The following FMN2 variants were observed in gnomAD, a reference collection of about 807,000 sequenced individuals.
FMN2 encodes formin-2.
Under a neutral mutation model 142.3 loss-of-function variants are expected in FMN2, and 51 were observed. The observed-to-expected ratio is 0.36, with a 90% CI of 0.29 to 0.45. The LOEUF (loss-of-function observed/expected upper bound fraction) is 0.45, where lower values mean the gene tolerates loss of function less well. FMN2 is among the 20% of genes least tolerant of loss of function. The probability of loss-of-function intolerance (pLI) is 1.00; values close to 1 mark genes in which losing one functional copy is unlikely to be tolerated. For missense variants in FMN2, 1,936 were observed against 2,122.8 expected, an observed-to-expected ratio of 0.91 and a Z score of 1.73; for synonymous variants, 882 against 869.8, an observed-to-expected ratio of 1.01 and a Z score of -0.25.
chr1:240,115,780 C>T (rs1429227106), intron 1 of FMN2, among the ~76,000 whole-genome samples: 1 of 152,180 alleles, frequency 6.6e-6, no homozygotes, highest in Non-Finnish European at 1.5e-5. Context: ...AAAGGGAAAG[C>T]AAGTTTATTA....
Position 240,268,622 on chromosome 1 carries a change from A to T in FMN2, c.4153+10590A>T, listed in dbSNP as rs546120936. 1.7e-4 allele frequency among the ~76,000 whole-genome samples: 26 copies of T among 152,096 alleles called. 1 individual carries two copies. In the South Asian group the frequency reaches 5.4e-3, roughly 32 times the overall value. On this transcript the variant is annotated intron_variant, in intron 7 of 17. Coordinates refer to ENST00000319653, the MANE Select transcript of FMN2 (RefSeq NM_020066.5). ...GGCCATGAGTAGAATCTAAGTAGAG[A>T]CATAGACAGATGCTTTTATTTCTTG...
At chr1:240,447,836 G>A (rs1052151470) in intron 16 of FMN2, among the ~76,000 whole-genome samples, 1 of 152,128 alleles carries the variant, frequency 6.6e-6, no homozygotes, top group Non-Finnish European at 1.5e-5. Context: ...AAAAGTTGAC[G>A]TTCACTTTCA....
chr1:240,256,541 C>T (rs1388364586), intron 6 of FMN2, among the ~76,000 whole-genome samples: 1 of 149,946 alleles, frequency 6.7e-6, no homozygotes, highest in Non-Finnish European at 1.5e-5. Context: ...GAGTTCGAGA[C>T]CTTCCTGGCC....
intron 16 of FMN2, 181 bp from the exon 17 acceptor site, chr1:240,472,191 G>C (rs2210861): frequency 0.97 from 519,155 of 537,648 alleles, 250,850 homozygotes; most frequent in East Asian, 1. Context: ...ATAAATTAGC[G>C]TCTGTAGCTG....
intron 14 of FMN2, among the ~76,000 whole-genome samples, chr1:240,388,755 G>A (rs1012719131): frequency 5.9e-5 from 9 of 151,670 alleles, no homozygotes; most frequent in East Asian, 3.9e-4. Flanking sequence ...CCAACTACTC[G>A]GGAGGCTGAG....
chr1:240,181,370 T>C (rs942225682), intron 3 of FMN2, among the ~76,000 whole-genome samples: 2 of 152,194 alleles, frequency 1.3e-5, no homozygotes, highest in Non-Finnish European at 2.9e-5. Context: ...TGTGGTACTC[T>C]GTCTTCTGCC....
chr1:240,206,757 C>G, intron 4 of FMN2, 42 bp from the exon 5 acceptor site: 1 of 1,555,032 alleles, frequency 6.4e-7, no homozygotes, highest in Non-Finnish European at 8.7e-7. Flanking sequence ...TGCATTTTTC[C>G]TTATTTCATA....
intron 2 of FMN2, chr1:240,143,718 A>G: frequency 6.4e-7 from 1 of 1,569,292 alleles, no homozygotes; most frequent in Non-Finnish European, 8.8e-7. Flanking sequence ...GAAGCCAACG[A>G]GCATAAGAGT....
At chr1:240,390,340 T>A (rs1329594618) in intron 14 of FMN2, among the ~76,000 whole-genome samples, 1 of 152,238 alleles carries the variant, frequency 6.6e-6, no homozygotes, top group African/African-American at 2.4e-5. Flanking sequence ...AAGCTTTGGT[T>A]TTATATTTTG....
intron 1 of FMN2, among the ~76,000 whole-genome samples, chr1:240,107,885 G>T (rs1012023198): frequency 2.0e-5 from 3 of 152,012 alleles, no homozygotes; most frequent in African/African-American, 7.2e-5. Flanking sequence ...TATAATTGAT[G>T]TGGAACACAT....
intron 15 of FMN2, among the ~76,000 whole-genome samples, chr1:240,413,267 T>C (rs542447532): frequency 1.3e-5 from 2 of 150,916 alleles, no homozygotes; most frequent in African/African-American, 2.4e-5. Context: ...CAGTGGGTGG[T>C]TTTTATGGAA....
chr1:240,455,981 T>G lies in FMN2; in HGVS notation c.5061-16391T>G, dbSNP rs1299804170. Among the ~76,000 whole-genome samples the G allele has an allele frequency of 6.6e-5, 8 of 120,612 alleles. 1 individual carries two copies. The highest frequency in any genetic ancestry group is 6.5e-4 in the Admixed American group (8 of 12,272). The allele number at this position is 120,612 out of a possible 152,430, so 79.1% of individuals were successfully genotyped here. On this transcript the variant is annotated intron_variant, in intron 16 of 17. Transcript: ENST00000319653. ...CGGAGCGAGACTGTCTCAAAAATAA[T>G]AATAATAATAATAATAATAATAAGT...
At chr1:240,143,624 A>C in intron 2 of FMN2, 1 of 1,610,092 alleles carries the variant, frequency 6.2e-7, no homozygotes, top group East Asian at 2.2e-5. Flanking sequence ...AAACTGCGGA[A>C]TGGCTCTGAT....
chr1:240,200,209 C>T (rs1171902229), intron 4 of FMN2, among the ~76,000 whole-genome samples: 1 of 152,114 alleles, frequency 6.6e-6, no homozygotes, highest in Non-Finnish European at 1.5e-5. Flanking sequence ...AGGGTGGGCC[C>T]CCCAGAGCTT....
chr1:240,224,426 A>C (rs1667230204), intron 6 of FMN2, among the ~76,000 whole-genome samples: 1 of 133,310 alleles, frequency 7.5e-6, no homozygotes, highest in Non-Finnish European at 1.6e-5. Flanking sequence ...TTTTAGAATA[A>C]GTGCGATGTG....
At position 240,114,744 on chromosome 1, in the gene FMN2, G is replaced by A. The variant is rs529766102; in HGVS notation, c.1616-8435G>A. ...GAGATTTCAGCTCACTGCAACCTCC[G>A]CTTCCCAAGTTCAGGTGATTCTCCT... On this transcript the variant is annotated intron_variant, in intron 1 of 17. Transcript: ENST00000319653. Among the ~76,000 whole-genome samples the A allele has an allele frequency of 4.8e-4, 71 of 146,532 alleles. 1 individual carries two copies. Among genetic ancestry groups the A allele is most frequent in the Non-Finnish European group, 6.2e-4 (42 of 67,394 alleles).
At chr1:240,310,900 AT>A (rs1392025684) in intron 8 of FMN2, among the ~76,000 whole-genome samples, 2 of 152,120 alleles carry the variant, frequency 1.3e-5, no homozygotes, top group African/African-American at 2.4e-5. Context: ...TCTGAAAATC[AT>A]TTTTTTCTTT....
At chr1:240,312,107 T>C (rs958178756) in intron 8 of FMN2, among the ~76,000 whole-genome samples, 1 of 152,222 alleles carries the variant, frequency 6.6e-6, no homozygotes, top group Non-Finnish European at 1.5e-5. Context: ...TTACTTTTTG[T>C]AGGCGGGTAG....
chr1:240,384,069 GT>G (rs1673323325), intron 14 of FMN2, among the ~76,000 whole-genome samples: 2 of 151,974 alleles, frequency 1.3e-5, no homozygotes, highest in African/African-American at 4.8e-5. Flanking sequence ...AATGCTACAT[GT>G]TCTCACTTTC....
Sources: allele counts gnomAD v4.1 joint callset (sites outside exome capture counted in the v4.1 genomes callset), GRCh38; gene constraint gnomAD v4.1.1; transcripts MANE v1.5; gene names NCBI Gene and HGNC (gene_info 2026-07-23, HGNC 2026-07-21).